Variants in CD109 observed in about 807,000 individuals in gnomAD.
CD109 encodes CD109 molecule.
A neutral mutation model predicts 165.8 loss-of-function variants in CD109; 149 were observed. The ratio of observed to expected loss-of-function variants is 0.90; its 90% CI spans 0.79 to 1.03. The LOEUF is 1.03. Ranked by LOEUF, CD109 falls within the 50% of genes least tolerant of loss-of-function variation. The pLI is 0.00. For synonymous variants in CD109, 585 were observed against 592.1 expected (o/e 0.99, Z 0.18); for missense variants, 1,712 against 1,677.8 (o/e 1.02, Z -0.36).
At chr6:73,734,739 A>G (rs1226646212) in intron 4 of CD109, among the ~76,000 whole-genome samples, 4 of 152,190 alleles carry the variant, frequency 2.6e-5, no homozygotes, top group South Asian at 4.1e-4. Flanking sequence ...CCACTCTGGG[A>G]GAGAGGTTTC....
chr6:73,726,444 T>C (rs1295288665), intron 3 of CD109, among the ~76,000 whole-genome samples: 1 of 152,236 alleles, frequency 6.6e-6, no homozygotes, highest in East Asian at 1.9e-4. Flanking sequence ...TAATTACTAA[T>C]ATATTTTTAA....
chr6:73,776,643 C>T (rs1272165000), intron 15 of CD109, among the ~76,000 whole-genome samples: 6 of 143,442 alleles, frequency 4.2e-5, no homozygotes, highest in Non-Finnish European at 6.0e-5. Context: ...CTGCAACCTT[C>T]ACCTTCTGGG....
Position 73,771,538 on chromosome 6 carries a change from G to T in CD109, c.1784G>T (p.Ser595Ile). 6.2e-7 allele frequency: 1 copy of T among 1,608,936 alleles called. No homozygotes were observed. ...SIVGIVAVDK[S>I]VNLMNASNDI... The stretch of plus-strand genomic sequence containing the variant: ...GTTGGGATTGTAGCTGTTGACAAAA[G>T]TGTGAATCTGATGAATGCCTCTAAT... Residue 595 changes from serine (S) to isoleucine (I), a missense_variant, in exon 15 of 33, where the codon AGT (serine) becomes ATT (isoleucine). Physicochemically the swap from Ser to Ile is moderately radical, Grantham distance 142 (BLOSUM62 -2). Coordinates refer to ENST00000287097, the MANE Select transcript of CD109 (RefSeq NM_133493.5).
intron 2 of CD109, among the ~76,000 whole-genome samples, chr6:73,718,657 G>A (rs1771834932): frequency 6.6e-6 from 1 of 151,826 alleles, no homozygotes; most frequent in Non-Finnish European, 1.5e-5. Context: ...CAGAAGCTTG[G>A]CCCCACTACT....
intron 23 of CD109, among the ~76,000 whole-genome samples, chr6:73,798,829 A>G (rs1775261178): frequency 6.6e-6 from 1 of 152,042 alleles, no homozygotes. Context: ...AATATCTCAT[A>G]CTTGGAACTG....
At chr6:73,818,101 C>A (rs1775999343) in intron 30 of CD109, among the ~76,000 whole-genome samples, 1 of 152,086 alleles carries the variant, frequency 6.6e-6, no homozygotes, top group Admixed American at 6.5e-5. Flanking sequence ...GTATATTGTA[C>A]TGTCACAGTT....
At chr6:73,786,320 C>T (rs535130775) in intron 20 of CD109, among the ~76,000 whole-genome samples, 7 of 151,988 alleles carry the variant, frequency 4.6e-5, no homozygotes, top group African/African-American at 7.3e-5. Flanking sequence ...AGTAGAGATA[C>T]GTAATTAACT....
intron 5 of CD109, among the ~76,000 whole-genome samples, chr6:73,746,097 C>T (rs1772975117): frequency 6.6e-6 from 1 of 152,216 alleles, no homozygotes; most frequent in Non-Finnish European, 1.5e-5. Flanking sequence ...GAAGATAGCA[C>T]AAAGCGGCCC....
intron 30 of CD109, among the ~76,000 whole-genome samples, chr6:73,817,015 G>C (rs377340488): frequency 6.6e-6 from 1 of 152,054 alleles, no homozygotes; most frequent in Non-Finnish European, 1.5e-5. Context: ...TGAGGGTAGG[G>C]GTTTTATAAA....
At chr6:73,752,685 T>C (rs945123021) in intron 5 of CD109, among the ~76,000 whole-genome samples, 10 of 152,112 alleles carry the variant, frequency 6.6e-5, no homozygotes, top group African/African-American at 1.4e-4. Flanking sequence ...AGTGACCATA[T>C]TGGGGAAAGA....
Position 73,723,256 on chromosome 6 carries a change from T to C in CD109, c.253T>C (p.Phe85Leu). Residue 85 changes from phenylalanine to leucine, a missense_variant, in exon 3 of 33, where the codon TTT becomes CTT. Coordinates refer to ENST00000287097, the MANE Select transcript of CD109 (RefSeq NM_133493.5). ...EAEGVFEKGSFKTLTLPSLPL... is the reference protein window; with the variant it reads ...EAEGVFEKGSLKTLTLPSLPL... ...CTTTCCTGTTTTCCTTGTAGGCTCT[T>C]TTAAGACACTTACTCTTCCATCAGT... 1 of 1,613,010 alleles carries C rather than the reference T, an allele frequency of 6.2e-7. No individual in the cohort carries two copies. Among genetic ancestry groups the C allele is most frequent in the Non-Finnish European group, 8.5e-7 (1 of 1,179,646 alleles).
At chr6:73,707,453 T>C (rs1771322880) in intron 2 of CD109, among the ~76,000 whole-genome samples, 1 of 152,026 alleles carries the variant, frequency 6.6e-6, no homozygotes, top group Non-Finnish European at 1.5e-5. Context: ...GAGGTTATGT[T>C]TGCACTACTG....
intron 26 of CD109, 82 bp from the exon 27 acceptor site, chr6:73,809,902 G>A: frequency 9.6e-7 from 1 of 1,040,476 alleles, no homozygotes; most frequent in Non-Finnish European, 1.4e-6. Context: ...AGTACAACTT[G>A]GACCAGAGTA....
intron 2 of CD109, among the ~76,000 whole-genome samples, chr6:73,701,050 C>T (rs532187502): frequency 1.3e-5 from 2 of 150,844 alleles, no homozygotes; most frequent in East Asian, 3.9e-4. Context: ...ACCTGCCTGC[C>T]TCGGCCTCCC....
intron 2 of CD109, among the ~76,000 whole-genome samples, chr6:73,718,293 A>AC (rs1366905366): frequency 2.0e-5 from 3 of 152,128 alleles, no homozygotes; most frequent in Non-Finnish European, 4.4e-5. Flanking sequence ...ATGTTGAGTA[A>AC]CAGTGGTGAA....
At chr6:73,783,675 T>C in intron 18 of CD109, 32 bp from the exon 19 acceptor site, 1 of 1,250,694 alleles carries the variant, frequency 8.0e-7, no homozygotes, top group Non-Finnish European at 1.2e-6. Flanking sequence ...TTCTTGGTTT[T>C]GTGATGTTTA....
chr6:73,788,546 A>C lies in CD109; in HGVS notation c.2635A>C (p.Thr879Pro). The C allele has an allele frequency of 6.2e-7, 1 of 1,613,380 alleles. No individual in the cohort carries two copies. Among genetic ancestry groups the C allele is most frequent in the South Asian group, 1.1e-5 (1 of 90,948 alleles). ...TDNRLQSTLK[T>P]LSFSFPPNTV... The stretch of plus-strand genomic sequence containing the variant: ...CAATAGGCTACAGAGTACCCTGAAA[A>C]CTTTGAGTTTCTCATTTCCTCCTAA... The change falls in exon 22 of 33, where the codon ACT becomes CCT. Residue 879 changes from threonine to proline, a missense_variant. Coordinates refer to ENST00000287097, the MANE Select transcript of CD109 (RefSeq NM_133493.5).
At chr6:73,743,007 G>A (rs1232725894) in intron 5 of CD109, among the ~76,000 whole-genome samples, 1 of 152,212 alleles carries the variant, frequency 6.6e-6, no homozygotes, top group Non-Finnish European at 1.5e-5. Context: ...GTGTTGGGCA[G>A]TGTTGGGCAG....
intron 2 of CD109, among the ~76,000 whole-genome samples, chr6:73,704,121 G>C (rs1662403289): frequency 6.6e-6 from 1 of 150,774 alleles, no homozygotes; most frequent in Non-Finnish European, 1.5e-5. Context: ...GGAGGCAGAG[G>C]CTGCAGTGAG....
Sources: allele counts gnomAD v4.1 joint callset (sites outside exome capture counted in the v4.1 genomes callset), GRCh38; gene constraint gnomAD v4.1.1; transcripts MANE v1.5; gene names NCBI Gene and HGNC (gene_info 2026-07-23, HGNC 2026-07-21).